IL15: variants seen among roughly 807,000 people sequenced by gnomAD.
The protein encoded by IL15 is interleukin-15.
A neutral mutation model predicts 19.6 loss-of-function variants in IL15; 11 were observed. That is an observed-to-expected ratio of 0.56 (90% CI 0.35 to 0.93). IL15 has a LOEUF of 0.93. Ranked by LOEUF, IL15 falls within the 40% of genes least tolerant of loss-of-function variation. The probability of loss-of-function intolerance (pLI) is 0.01; values close to 1 mark genes in which losing one functional copy is unlikely to be tolerated. For synonymous variants in IL15, 58 were observed against 59.6 expected (o/e 0.97, Z 0.12); for missense variants, 197 against 186.5 (o/e 1.06, Z -0.33).
intron 2 of IL15, among the ~76,000 whole-genome samples, chr4:141,684,647 G>T (rs947117456): frequency 6.6e-6 from 1 of 152,072 alleles, no homozygotes; most frequent in African/African-American, 2.4e-5. Flanking sequence ...GTCTATATTA[G>T]CTTGGAATAT....
At chr4:141,691,954 G>T (rs1338068106) in intron 2 of IL15, among the ~76,000 whole-genome samples, 1 of 152,236 alleles carries the variant, frequency 6.6e-6, no homozygotes, top group Non-Finnish European at 1.5e-5. Flanking sequence ...CCCTGCTCCA[G>T]CAGAGGTTCT....
intron 2 of IL15, among the ~76,000 whole-genome samples, chr4:141,701,770 G>C (rs1729328748): frequency 1.3e-5 from 2 of 152,144 alleles, no homozygotes; most frequent in African/African-American, 4.8e-5. Context: ...AGCTACCTCA[G>C]TTCCCCTGCC....
intron 6 of IL15, 108 bp downstream of exon 6, chr4:141,728,092 G>A: frequency 1.7e-6 from 1 of 605,446 alleles, no homozygotes; most frequent in Non-Finnish European, 2.9e-6. Flanking sequence ...AACTTTTGGT[G>A]TGTTTCTATA....
chr4:141,693,624 T>C lies in IL15; in HGVS notation c.-99-25742T>C, dbSNP rs182219075. ...ATTTATGATTTATTTATACAGTAAATATTTATTGAGTGGTAATTGTATGAA... is the reference window on the plus strand; with the variant it reads ...ATTTATGATTTATTTATACAGTAAACATTTATTGAGTGGTAATTGTATGAA... On this transcript the variant is annotated intron_variant, in intron 2 of 7. Coordinates refer to ENST00000320650, the MANE Select transcript of IL15 (RefSeq NM_000585.5). Among the ~76,000 whole-genome samples, 64 of 152,362 alleles carry C rather than the reference T, an allele frequency of 4.2e-4. No homozygotes were observed. In the East Asian group the frequency reaches 0.011, roughly 26 times the overall value.
intron 2 of IL15, among the ~76,000 whole-genome samples, chr4:141,682,572 T>C (rs1013892050): frequency 6.6e-6 from 1 of 152,198 alleles, no homozygotes; most frequent in Non-Finnish European, 1.5e-5. Flanking sequence ...CGGAGACTTT[T>C]TTCTCTTTAG....
chr4:141,714,244 C>T (rs1028852390), intron 2 of IL15, among the ~76,000 whole-genome samples: 8 of 152,186 alleles, frequency 5.3e-5, no homozygotes, highest in Admixed American at 1.3e-4. Flanking sequence ...CATTCCTTCC[C>T]GTGACAGTAG....
chr4:141,666,245 C>T (rs1294263942), intron 2 of IL15, among the ~76,000 whole-genome samples: 4 of 152,066 alleles, frequency 2.6e-5, no homozygotes, highest in East Asian at 1.9e-4. Context: ...GGACTACAGG[C>T]GCCCACCACT....
intron 2 of IL15, among the ~76,000 whole-genome samples, chr4:141,696,276 T>C (rs189312600): frequency 6.6e-6 from 1 of 152,204 alleles, no homozygotes; most frequent in Non-Finnish European, 1.5e-5. Context: ...TTCTACGCTG[T>C]TAAATTGGTC....
intron 2 of IL15, among the ~76,000 whole-genome samples, chr4:141,686,093 G>A (rs962518589): frequency 3.9e-5 from 6 of 151,944 alleles, no homozygotes; most frequent in African/African-American, 1.2e-4. Context: ...TCAGGTGTTC[G>A]AGACCAGCCT....
chr4:141,702,680 T>G (rs1293030210), intron 2 of IL15, among the ~76,000 whole-genome samples: 1 of 152,194 alleles, frequency 6.6e-6, no homozygotes, highest in African/African-American at 2.4e-5. Flanking sequence ...ATGGCCTGAG[T>G]TGGCTGGCCT....
At chr4:141,658,956 T>G (rs937845347) in intron 2 of IL15, among the ~76,000 whole-genome samples, 6 of 150,532 alleles carry the variant, frequency 4.0e-5, no homozygotes, top group African/African-American at 1.2e-4. Context: ...GCCTCCCGGG[T>G]TCAAGCCATT....
chr4:141,708,822 G>A (rs1164643142), intron 2 of IL15, among the ~76,000 whole-genome samples: 2 of 152,004 alleles, frequency 1.3e-5, no homozygotes, highest in Non-Finnish European at 2.9e-5. Flanking sequence ...CTTTTAGTTG[G>A]GGGAACAAGC....
At chr4:141,693,779 T>C (rs1290779328) in intron 2 of IL15, among the ~76,000 whole-genome samples, 2 of 152,178 alleles carry the variant, frequency 1.3e-5, no homozygotes, top group African/African-American at 4.8e-5. Flanking sequence ...GCCCATACTC[T>C]GTTCCAGGCA....
At chr4:141,698,894 T>A (rs1729190561) in intron 2 of IL15, among the ~76,000 whole-genome samples, 2 of 152,108 alleles carry the variant, frequency 1.3e-5, no homozygotes. Context: ...TGTTCCTGTC[T>A]CTTAAGTTCC....
In IL15 at chr4:141,641,673, A is replaced by T. The variant is rs182041733; in HGVS notation, c.-222+4925A>T. Among the ~76,000 whole-genome samples the T allele has an allele frequency of 5.4e-3, 701 of 129,430 alleles. 10 individuals are homozygous for T. The highest frequency in any genetic ancestry group is 0.019 in the African/African-American group (678 of 34,878). The allele number at this position is 129,430 out of a possible 152,430, so 84.9% of individuals were successfully genotyped here. On this transcript the variant is annotated intron_variant, in intron 1 of 7. Coordinates refer to ENST00000320650, the MANE Select transcript of IL15 (RefSeq NM_000585.5). ...ACCTGGACACAGGAAGGGGAACATC[A>T]CACACCGGGGCCTGTCATGGGGTGG...
At chr4:141,669,133 A>C (rs1579004427) in intron 2 of IL15, among the ~76,000 whole-genome samples, 1 of 152,222 alleles carries the variant, frequency 6.6e-6, no homozygotes, top group African/African-American at 2.4e-5. Flanking sequence ...AAGTTGCTGT[A>C]ACAAAAAATT....
At chr4:141,731,009 T>C (rs1207580912) in intron 7 of IL15, among the ~76,000 whole-genome samples, 1 of 152,080 alleles carries the variant, frequency 6.6e-6, no homozygotes, top group Non-Finnish European at 1.5e-5. Context: ...CCAGTTAGGG[T>C]AGGCTGAGCT....
chr4:141,686,326 A>AAATT (rs1728711373), intron 2 of IL15, among the ~76,000 whole-genome samples: 1 of 151,062 alleles, frequency 6.6e-6, no homozygotes, highest in Non-Finnish European at 1.5e-5. Flanking sequence ...ATAAATAAAT[A>AAATT]AATAAATAAA....
At chr4:141,695,272 CTTTTTTT>C (rs34115620) in intron 2 of IL15, among the ~76,000 whole-genome samples, 1,193 of 62,552 alleles carry the variant, frequency 0.019, 8 homozygotes, top group Non-Finnish European at 0.023. Context: ...TCTATGATAC[CTTTTTTT>C]TTTTTTTTTT....
Sources: gnomAD v4.1 joint callset for allele counts (sites outside exome capture counted in the v4.1 genomes callset) on GRCh38, gnomAD v4.1.1 for gene constraint, MANE v1.5 for transcripts, NCBI Gene and HGNC (gene_info 2026-07-23, HGNC 2026-07-21) for gene names.